The following BACH2 variants were observed in gnomAD, a reference collection of about 807,000 sequenced individuals.
BACH2 encodes the protein transcription regulator protein BACH2.
Under a neutral mutation model 61.8 loss-of-function variants are expected in BACH2, and 5 were observed. The observed-to-expected ratio is 0.08, with a 90% CI of 0.04 to 0.17. BACH2 has a LOEUF of 0.17. Among genes scored for constraint, BACH2 ranks in the 10% least tolerant of loss-of-function variants. The probability of loss-of-function intolerance (pLI) is 1.00; values close to 1 mark genes in which losing one functional copy is unlikely to be tolerated. For synonymous variants in BACH2, 446 were observed against 440.1 expected (o/e 1.01, Z -0.17); for missense variants, 824 against 1,091.1 (o/e 0.76, Z 3.45).
intron 4 of BACH2, among the ~76,000 whole-genome samples, chr6:90,102,836 T>TAATAAA (rs1252717047): frequency 1.1e-4 from 12 of 106,844 alleles, no homozygotes; most frequent in Non-Finnish European, 2.3e-4. Flanking sequence ...ATAATAATAA[T>TAATAAA]AATAAAAATA....
rs1056429790 is a variant in BACH2 at position 89,931,698 on chromosome 6, A to G, written c.*710T>C. On this transcript the variant is annotated 3_prime_UTR_variant, in exon 9 of 9. Transcript: ENST00000257749. ...GAGGTGCCAAAACCAAACCAAACGA[A>G]AAAGAAATCTGAAATAAAACCTTGG... 2.3e-4 allele frequency: 35 copies of G among 152,718 alleles called. No individual in the cohort carries two copies. Among genetic ancestry groups the G allele is most frequent in the African/African-American group, 8.2e-4 (34 of 41,536 alleles). The allele number at this position is 152,718 out of a possible 1,614,324, so 9.5% of individuals were successfully genotyped here.
At chr6:90,252,204 C>T (rs1178139669) in intron 3 of BACH2, among the ~76,000 whole-genome samples, 1 of 152,184 alleles carries the variant, frequency 6.6e-6, no homozygotes. Context: ...CAAAGATTCA[C>T]ACAACTTGGT....
chr6:89,951,161 G>A lies in BACH2; in HGVS notation c.945C>T (p.Ser315=). The A allele has an allele frequency of 1.2e-6, 2 of 1,613,476 alleles. No homozygotes were observed. The highest frequency in any genetic ancestry group is 1.7e-6 in the Non-Finnish European group (2 of 1,179,940). The change falls in exon 7 of 9, where the codon AGC becomes AGT. Residue 315 remains serine, a synonymous_variant. Coordinates refer to ENST00000257749, the MANE Select transcript of BACH2 (RefSeq NM_021813.4). This position sits in a 1 kb window ranked among gnomAD's most constrained non-coding sequence, Gnocchi z 6.4. ...GDVEMDRKQP[S]PAPTPTAPAG... ...CTGGGGCCGTGGGGGTAGGGGCAGG[G>A]CTGGGCTGTTTCCGGTCCATCTCGA...
chr6:90,131,319 CT>C (rs1456102210), intron 4 of BACH2, among the ~76,000 whole-genome samples: 1 of 152,244 alleles, frequency 6.6e-6, no homozygotes, highest in Admixed American at 6.5e-5. Flanking sequence ...GCATCATTTT[CT>C]TGTTGGTGAT....
At chr6:89,995,557 T>C (rs1455772945) in intron 6 of BACH2, among the ~76,000 whole-genome samples, 1 of 152,204 alleles carries the variant, frequency 6.6e-6, no homozygotes, top group Non-Finnish European at 1.5e-5. Context: ...GACTTATCGC[T>C]TGTGACAAGA....
At chr6:90,115,265 C>T (rs1783348147) in intron 4 of BACH2, among the ~76,000 whole-genome samples, 1 of 152,106 alleles carries the variant, frequency 6.6e-6, no homozygotes, top group East Asian at 1.9e-4. Flanking sequence ...TACCTGACTT[C>T]AAACTACAAT....
chr6:89,975,278 T>C (rs752790804), intron 6 of BACH2, among the ~76,000 whole-genome samples: 5 of 152,272 alleles, frequency 3.3e-5, no homozygotes, highest in Non-Finnish European at 7.3e-5. Flanking sequence ...ATTGTATTTC[T>C]ACTTGCTAGC....
chr6:89,968,537 GA>G (rs1444704467), intron 6 of BACH2, among the ~76,000 whole-genome samples: 4 of 152,182 alleles, frequency 2.6e-5, no homozygotes, highest in African/African-American at 9.7e-5. Flanking sequence ...CAGTATTTAA[GA>G]AAAGTTAAAT....
chr6:90,048,310 G>A (rs902081307), intron 5 of BACH2, among the ~76,000 whole-genome samples: 1 of 151,944 alleles, frequency 6.6e-6, no homozygotes, highest in South Asian at 2.1e-4. Context: ...TGTGTTTTTC[G>A]TAGAGACAGG....
At chr6:90,296,021 A>G (rs1772358438) in intron 1 of BACH2, among the ~76,000 whole-genome samples, 2 of 152,124 alleles carry the variant, frequency 1.3e-5, no homozygotes, top group Non-Finnish European at 2.9e-5. Flanking sequence ...TGGAGCTGGG[A>G]TCGCAGGCTG....
At chr6:90,023,322 C>G (rs1045144065) in intron 5 of BACH2, among the ~76,000 whole-genome samples, 1 of 151,990 alleles carries the variant, frequency 6.6e-6, no homozygotes, top group Non-Finnish European at 1.5e-5. Flanking sequence ...AACACCATCC[C>G]CCTTGGAGCT....
At chr6:90,039,002 T>C (rs1299086810) in intron 5 of BACH2, among the ~76,000 whole-genome samples, 4 of 148,696 alleles carry the variant, frequency 2.7e-5, no homozygotes, top group African/African-American at 1.0e-4. Context: ...ATTGCACCAC[T>C]GCACCCCAGC....
chr6:89,927,659 G>T lies in BACH2; in HGVS notation c.*4749C>A, dbSNP rs958931657. 6.6e-6 allele frequency: 1 copy of T among 152,626 alleles called. No individual in the cohort carries two copies. 9.5% of individuals were successfully genotyped at this position (152,626 alleles called of 1,614,324 possible). ...GAAAGTTGGCCTCTGCAACCAAGTG[G>T]GTATTCTTCACAAAATGGCAGCATC... On this transcript the variant is annotated 3_prime_UTR_variant, in exon 9 of 9. Coordinates refer to ENST00000257749, the MANE Select transcript of BACH2 (RefSeq NM_021813.4).
intron 5 of BACH2, among the ~76,000 whole-genome samples, chr6:90,087,249 T>A (rs145171484): frequency 2.0e-5 from 3 of 152,326 alleles, no homozygotes; most frequent in African/African-American, 7.2e-5. Context: ...TCCTAAGTGC[T>A]ACTCTGAATG....
chr6:90,175,773 C>A (rs1196563030), intron 4 of BACH2, among the ~76,000 whole-genome samples: 6 of 152,128 alleles, frequency 3.9e-5, no homozygotes, highest in African/African-American at 9.7e-5. Context: ...AGCCGATTCT[C>A]AGAGATAACA....
chr6:90,088,231 A>C (rs1318896003), intron 5 of BACH2, among the ~76,000 whole-genome samples: 1 of 152,170 alleles, frequency 6.6e-6, no homozygotes, highest in Non-Finnish European at 1.5e-5. Flanking sequence ...TCTGAAAGGG[A>C]ACAATGTATT....
Position 89,951,368 on chromosome 6 carries a change from T to C in BACH2, c.738A>G (p.Ser246=), listed in dbSNP as rs1484751301. 4 of 1,614,164 alleles carry C rather than the reference T, an allele frequency of 2.5e-6. No homozygotes were observed. The highest frequency in any genetic ancestry group is 3.3e-5 in the Admixed American group (2 of 60,014). ...LACTKNVYNA[S]SHSTSGFAST... Reference sequence around the variant, plus strand: ...TTGCAAAACCTGAGGTACTGTGTGATGATGCATTATAGACATTCTTGGTAC... The same window carrying C: ...TTGCAAAACCTGAGGTACTGTGTGACGATGCATTATAGACATTCTTGGTAC... The change falls in exon 7 of 9, where the codon TCA becomes TCG. Residue 246 remains serine, a synonymous_variant. Coordinates refer to ENST00000257749, the MANE Select transcript of BACH2 (RefSeq NM_021813.4). The surrounding 1 kb of genome is among the most constrained non-coding windows in gnomAD (Gnocchi z 6.4).
intron 5 of BACH2, among the ~76,000 whole-genome samples, chr6:90,037,563 T>C (rs1247040788): frequency 6.6e-6 from 1 of 152,184 alleles, no homozygotes; most frequent in Non-Finnish European, 1.5e-5. Flanking sequence ...TACCTACCTC[T>C]TTCTGCAAGA....
intron 4 of BACH2, among the ~76,000 whole-genome samples, chr6:90,117,897 C>T (rs1462553519): frequency 3.9e-5 from 6 of 152,074 alleles, no homozygotes; most frequent in African/African-American, 9.7e-5. Flanking sequence ...TTTACCTTAC[C>T]TAAGTTTAGG....
Sources: gnomAD v4.1 joint callset for allele counts (sites outside exome capture counted in the v4.1 genomes callset) on GRCh38, gnomAD v4.1.1 for gene constraint, Gnocchi (gnomAD v3.1) non-coding constraint, MANE v1.5 for transcripts, NCBI Gene and HGNC (gene_info 2026-07-23, HGNC 2026-07-21) for gene names.